The following STK39 variants were observed in gnomAD, a reference collection of about 807,000 sequenced individuals.
The protein encoded by STK39 is serine/threonine kinase 39.
Under a neutral mutation model 77.8 loss-of-function variants are expected in STK39, and 20 were observed. The ratio of observed to expected loss-of-function variants is 0.26; its 90% CI spans 0.18 to 0.37. The LOEUF (loss-of-function observed/expected upper bound fraction) is 0.37. STK39 is among the 10% of genes least tolerant of loss of function. The pLI is 1.00. For synonymous variants in STK39, 246 were observed against 234.1 expected (o/e 1.05, Z -0.47); for missense variants, 479 against 656.5 (o/e 0.73, Z 2.95).
chr2:168,138,550 C>T (rs544318677), intron 7 of STK39, among the ~76,000 whole-genome samples: 20 of 152,212 alleles, frequency 1.3e-4, no homozygotes, highest in African/African-American at 4.3e-4. Context: ...GTTGGGAAAG[C>T]GGGTGGAGGA....
At chr2:168,142,366 A>C (rs1162933997) in intron 5 of STK39, among the ~76,000 whole-genome samples, 1 of 152,132 alleles carries the variant, frequency 6.6e-6, no homozygotes, top group Non-Finnish European at 1.5e-5. Flanking sequence ...GATGAATCCA[A>C]CATTTCATTT....
intron 10 of STK39, among the ~76,000 whole-genome samples, chr2:168,077,104 T>G (rs766556812): frequency 6.6e-6 from 1 of 152,202 alleles, no homozygotes; most frequent in Non-Finnish European, 1.5e-5. Flanking sequence ...CAAAACATAC[T>G]GTCAACTAAG....
At position 168,167,339 on chromosome 2, in the gene STK39, G is replaced by A. The variant is rs1156653117; in HGVS notation, c.390C>T (p.Val130=). 1 of 1,613,652 alleles carries A rather than the reference G, an allele frequency of 6.2e-7. No homozygotes were observed. Among genetic ancestry groups the A allele is most frequent in the Non-Finnish European group, 8.5e-7 (1 of 1,179,762 alleles). The change falls in exon 3 of 18, where the codon GTC becomes GTT. Residue 130 remains valine, a synonymous_variant. Coordinates refer to ENST00000355999, the MANE Select transcript of STK39 (RefSeq NM_013233.3). The part of the protein sequence containing the change: ...NVVTYYTSFV[V]KDELWLVMKL... Reference sequence around the variant, plus strand: ...TCATGACCAGCCAAAGTTCATCTTTGACCACAAAAGAGGTGTAATAGGTCA... The same window carrying A: ...TCATGACCAGCCAAAGTTCATCTTTAACCACAAAAGAGGTGTAATAGGTCA...
In STK39 at chr2:168,114,975, C is replaced by T. The variant is rs17793453; in HGVS notation, c.1089+14566G>A. Among the ~76,000 whole-genome samples the T allele has an allele frequency of 5.1e-3, 772 of 152,280 alleles. 4 individuals carry two copies. The highest frequency in any genetic ancestry group is 0.019 in the Admixed American group (290 of 15,304). ...ACTGCAGAACAAAACGGCTTCAATA[C>T]GTTTTACTACCAATGGCTCTCTCCT... is the stretch of plus-strand genomic sequence containing the variant. On this transcript the variant is annotated intron_variant, in intron 10 of 17. Coordinates refer to ENST00000355999, the MANE Select transcript of STK39 (RefSeq NM_013233.3).
intron 10 of STK39, among the ~76,000 whole-genome samples, chr2:168,097,134 A>T (rs537740479): frequency 1.3e-5 from 2 of 152,280 alleles, no homozygotes; most frequent in African/African-American, 4.8e-5. Context: ...AATACACCAC[A>T]CTTGGAGATG....
chr2:168,196,035 A>G (rs1689461209), intron 1 of STK39, among the ~76,000 whole-genome samples: 1 of 152,208 alleles, frequency 6.6e-6, no homozygotes, highest in Non-Finnish European at 1.5e-5. Context: ...AAAGAAAGGA[A>G]TTCTACCACT....
At chr2:168,207,748 G>A (rs977907636) in intron 1 of STK39, among the ~76,000 whole-genome samples, 1 of 151,738 alleles carries the variant, frequency 6.6e-6, no homozygotes, top group African/African-American at 2.4e-5. Context: ...ACCAGGTACC[G>A]TGTCTGTTGT....
At chr2:167,975,611 C>T (rs986478317) in intron 16 of STK39, among the ~76,000 whole-genome samples, 6 of 152,060 alleles carry the variant, frequency 3.9e-5, no homozygotes, top group Non-Finnish European at 8.8e-5. Context: ...GTCAGGAGAT[C>T]GAGACCATCC....
intron 1 of STK39, among the ~76,000 whole-genome samples, chr2:168,209,996 CAAAAAAA>C (rs71003026): frequency 1.8e-5 from 1 of 55,686 alleles, no homozygotes; most frequent in Admixed American, 2.4e-4. Flanking sequence ...GACTCTATCT[CAAAAAAA>C]AAAAAAAAAT....
intron 5 of STK39, among the ~76,000 whole-genome samples, chr2:168,155,699 T>C (rs1688409955): frequency 6.6e-6 from 1 of 152,194 alleles, no homozygotes; most frequent in Non-Finnish European, 1.5e-5. Context: ...GCAGTGCTTG[T>C]CCAAAATCAG....
intron 10 of STK39, among the ~76,000 whole-genome samples, chr2:168,129,010 C>A (rs1466946620): frequency 6.6e-6 from 1 of 152,082 alleles, no homozygotes; most frequent in Non-Finnish European, 1.5e-5. Flanking sequence ...TACATACATG[C>A]CATTTTAGAA....
intron 16 of STK39, among the ~76,000 whole-genome samples, chr2:167,967,516 T>G (rs1187797914): frequency 6.6e-6 from 1 of 152,218 alleles, no homozygotes; most frequent in African/African-American, 2.4e-5. Context: ...AGTTTCTATT[T>G]ACTTTTTTTT....
intron 10 of STK39, among the ~76,000 whole-genome samples, chr2:168,081,067 G>C (rs565307730): frequency 6.6e-6 from 1 of 152,326 alleles, no homozygotes; most frequent in East Asian, 1.9e-4. Flanking sequence ...AGTGCAGAAG[G>C]GAAATGTGGG....
rs183543140 is a variant in STK39 at position 168,237,173 on chromosome 2, C to T, written c.208+10055G>A. 1.3e-3 allele frequency among the ~76,000 whole-genome samples: 191 copies of T among 152,254 alleles called. 3 individuals carry two copies. In the East Asian group the frequency reaches 0.027, roughly 21 times the overall value. ...AGAGGTCCTTCACATCCCTTGTAAG[C>T]TGGATTCCTAGGTATTTTATTCTCT... On this transcript the variant is annotated intron_variant, in intron 1 of 17. Transcript: ENST00000355999.
chr2:168,155,992 T>C (rs1850440), intron 5 of STK39, among the ~76,000 whole-genome samples: 102,813 of 152,032 alleles, frequency 0.68, 35,010 homozygotes, highest in Admixed American at 0.76. Context: ...CTGGGAATGC[T>C]GCGATGAACA....
At chr2:168,060,248 T>C (rs566447981) in intron 14 of STK39, among the ~76,000 whole-genome samples, 12 of 152,078 alleles carry the variant, frequency 7.9e-5, no homozygotes, top group African/African-American at 2.4e-4. Flanking sequence ...GTACACCAAC[T>C]GCTATGTACT....
intron 14 of STK39, among the ~76,000 whole-genome samples, chr2:168,029,701 C>T (rs1207903932): frequency 6.6e-6 from 1 of 152,180 alleles, no homozygotes; most frequent in Non-Finnish European, 1.5e-5. Flanking sequence ...TTCATGACTG[C>T]TTTCTCCGAC....
intron 16 of STK39, among the ~76,000 whole-genome samples, chr2:167,972,992 T>A (rs1011265903): frequency 1.3e-5 from 2 of 152,136 alleles, no homozygotes; most frequent in African/African-American, 2.4e-5. Flanking sequence ...GCCCTGTTCT[T>A]CCAAGGACTC....
intron 16 of STK39, among the ~76,000 whole-genome samples, chr2:168,001,735 AACCAAT>A (rs561801587): frequency 2.9e-3 from 447 of 152,292 alleles, no homozygotes; most frequent in Non-Finnish European, 4.9e-3. Flanking sequence ...CTTTTATTTT[AACCAAT>A]GAAGTAAAAA....
Sources: gnomAD v4.1 joint callset for allele counts (sites outside exome capture counted in the v4.1 genomes callset) on GRCh38, gnomAD v4.1.1 for gene constraint, MANE v1.5 for transcripts, NCBI Gene and HGNC (gene_info 2026-07-23, HGNC 2026-07-21) for gene names.